USP32: variants seen among roughly 807,000 people sequenced by gnomAD.
The protein encoded by USP32 is ubiquitin specific peptidase 32.
USP32 carries 59 observed loss-of-function variants against 204.8 expected under a neutral mutation model. That is an observed-to-expected ratio of 0.29 (90% CI 0.23 to 0.36). The LOEUF is 0.36. Among genes scored for constraint, USP32 ranks in the 10% least tolerant of loss-of-function variants. The pLI is 1.00. For missense variants in USP32, 1,160 were observed against 1,946.4 expected (o/e 0.60, Z 7.60); for synonymous variants, 517 against 678.4 (o/e 0.76, Z 3.70).
Position 60,354,305 on chromosome 17 carries a change from A to G in USP32, c.59-8697T>C, listed in dbSNP as rs530663540. On this transcript the variant is annotated intron_variant, in intron 1 of 33. Transcript: ENST00000300896. ...TTCTTCATCTCTATTTCTTTAAGAC[A>G]GCCAAGGCAGGACCATGCATTCTGA... 2.2e-4 allele frequency among the ~76,000 whole-genome samples: 34 copies of G among 152,330 alleles called. 1 individual carries two copies. Among genetic ancestry groups the G allele is most frequent in the Non-Finnish European group, 4.4e-4 (30 of 68,028 alleles).
intron 1 of USP32, among the ~76,000 whole-genome samples, chr17:60,385,337 G>C (rs1046285624): frequency 2.6e-5 from 4 of 152,166 alleles, no homozygotes; most frequent in Non-Finnish European, 1.5e-5. Context: ...CTGCACCCAG[G>C]TGATTAAAAA....
intron 22 of USP32, 152 bp downstream of exon 22, chr17:60,209,218 A>G: frequency 2.9e-6 from 3 of 1,031,334 alleles, no homozygotes; most frequent in Non-Finnish European, 3.9e-6. Context: ...GCATTATTGC[A>G]TAAGAATTAA....
intron 15 of USP32, among the ~76,000 whole-genome samples, chr17:60,221,453 T>C (rs1426237758): frequency 2.6e-5 from 4 of 152,156 alleles, no homozygotes; most frequent in African/African-American, 7.2e-5. Flanking sequence ...ATACAAAACC[T>C]TCCTGGCATA....
intron 13 of USP32, among the ~76,000 whole-genome samples, chr17:60,225,648 T>C (rs189070795): frequency 3.9e-5 from 6 of 152,072 alleles, no homozygotes; most frequent in African/African-American, 1.4e-4. Flanking sequence ...CAAATTAGAC[T>C]GCCTTAATAA....
chr17:60,320,553 C>T (rs971802649), intron 2 of USP32, among the ~76,000 whole-genome samples: 1 of 152,126 alleles, frequency 6.6e-6, no homozygotes, highest in Non-Finnish European at 1.5e-5. Context: ...AGGGAAGAAA[C>T]CGGGGTACCT....
At chr17:60,372,504 A>C (rs1370406544) in intron 1 of USP32, among the ~76,000 whole-genome samples, 1 of 151,836 alleles carries the variant, frequency 6.6e-6, no homozygotes, top group Non-Finnish European at 1.5e-5. Flanking sequence ...AAACATATCT[A>C]AACATAGAAA....
At chr17:60,234,783 C>A (rs147909831) in intron 12 of USP32, among the ~76,000 whole-genome samples, 5,079 of 151,634 alleles carry the variant, frequency 0.033, 138 homozygotes, top group South Asian at 0.072. Context: ...CACTATGTTG[C>A]CCAGGCTGGT....
At chr17:60,389,616 G>GT (rs11463528) in intron 1 of USP32, among the ~76,000 whole-genome samples, 33,290 of 151,760 alleles carry the variant, frequency 0.22, 9,273 homozygotes, top group African/African-American at 0.65. Flanking sequence ...TTACTAAATG[G>GT]ACCATGCTTA....
chr17:60,251,726 AT>A (rs1461255325), intron 11 of USP32, among the ~76,000 whole-genome samples: 1 of 152,160 alleles, frequency 6.6e-6, no homozygotes. Flanking sequence ...ATCTTAAGTA[AT>A]TTATCCTAAA....
intron 2 of USP32, among the ~76,000 whole-genome samples, chr17:60,313,667 G>C (rs1223096717): frequency 1.3e-5 from 2 of 151,974 alleles, no homozygotes; most frequent in Non-Finnish European, 2.9e-5. Flanking sequence ...TGAACATCCA[G>C]AGCATTGAGG....
At chr17:60,289,017 T>C (rs1330285527) in intron 4 of USP32, among the ~76,000 whole-genome samples, 19 of 152,212 alleles carry the variant, frequency 1.2e-4, no homozygotes, top group Non-Finnish European at 2.5e-4. Context: ...TGTTTTTGTT[T>C]GTTTGTTTGA....
intron 5 of USP32, among the ~76,000 whole-genome samples, chr17:60,283,439 T>A (rs1412902603): frequency 6.6e-6 from 1 of 152,180 alleles, no homozygotes; most frequent in African/African-American, 2.4e-5. Context: ...AAAATACATT[T>A]AAAAAATTGT....
chr17:60,395,808 T>G (rs1236661802), upstream of USP32, among the ~76,000 whole-genome samples: 2 of 152,200 alleles, frequency 1.3e-5, no homozygotes, highest in Admixed American at 6.5e-5. Context: ...TTCCCCAGTC[T>G]GTACTCACAG....
intron 2 of USP32, among the ~76,000 whole-genome samples, chr17:60,305,718 C>T (rs1368638288): frequency 6.6e-6 from 1 of 152,076 alleles, no homozygotes; most frequent in Non-Finnish European, 1.5e-5. Flanking sequence ...CTTGATAATC[C>T]AGTCTCTTCA....
rs1258270943 is a variant in USP32, at chr17:60,181,685, T to C, written c.4187A>G (p.Asn1396Ser). 1.2e-6 allele frequency: 2 copies of C among 1,612,644 alleles called. No individual in the cohort carries two copies. The highest frequency in any genetic ancestry group is 2.2e-5 in the South Asian group (2 of 91,010). ...CCTCCCCAAAGTCCGTGGGCTGCTATTAGGGCTGCTGTTTTTGCTGGAGGG... is the reference window on the plus strand; with the variant it reads ...CCTCCCCAAAGTCCGTGGGCTGCTACTAGGGCTGCTGTTTTTGCTGGAGGG... ...SCPSSKNSSP[N>S]SSPRTLGRSK... Residue 1396 changes from asparagine to serine, a missense_variant, in exon 32 of 34, where the codon AAT (asparagine) becomes AGT (serine). Physicochemically the swap from Asn to Ser is conservative, Grantham distance 46. This residue lies in a region of USP32 where 244 missense variants were observed against 342.3 expected (regional missense o/e 0.71). Transcript: ENST00000300896.
At chr17:60,402,042 T>C (rs2089939501) in intron 1 of USP32, among the ~76,000 whole-genome samples, 1 of 152,160 alleles carries the variant, frequency 6.6e-6, no homozygotes, top group Non-Finnish European at 1.5e-5. Context: ...CTTCTAGTTT[T>C]TGTCTGAGTG....
chr17:60,417,989 A>C (rs1482845557), intron 1 of USP32, among the ~76,000 whole-genome samples: 8 of 94,614 alleles, frequency 8.5e-5, no homozygotes, highest in Admixed American at 1.2e-4. Context: ...ACGGAGTTTC[A>C]CTCTTGTTAC....
chr17:60,192,780 T>C, intron 28 of USP32, 64 bp downstream of exon 28: 7 of 1,572,886 alleles, frequency 4.5e-6, no homozygotes, highest in East Asian at 2.2e-5. Context: ...GGAAATCTTA[T>C]GAAAACTGTA....
intron 1 of USP32, among the ~76,000 whole-genome samples, chr17:60,387,478 C>T (rs1416703737): frequency 2.6e-5 from 4 of 152,272 alleles, no homozygotes; most frequent in Admixed American, 6.5e-5. Flanking sequence ...TCTGTATTTC[C>T]GTAGCACTTT....
Sources: gnomAD v4.1 joint callset for allele counts (sites outside exome capture counted in the v4.1 genomes callset) on GRCh38, gnomAD v4.1.1 for gene constraint, gnomAD v4.1.1 regional missense constraint, MANE v1.5 for transcripts, NCBI Gene and HGNC (gene_info 2026-07-23, HGNC 2026-07-21) for gene names.